The following AUTS2 variants were observed in gnomAD, a reference collection of about 807,000 sequenced individuals.
AUTS2 encodes autism susceptibility gene 2 protein.
Under a neutral mutation model 112.4 loss-of-function variants are expected in AUTS2, and 17 were observed. The ratio of observed to expected loss-of-function variants is 0.15; its 90% CI spans 0.10 to 0.23. AUTS2 has a LOEUF of 0.23. Among genes scored for constraint, AUTS2 ranks in the 10% least tolerant of loss-of-function variants. The pLI is 1.00. For synonymous variants in AUTS2, 751 were observed against 702.7 expected, an observed-to-expected ratio of 1.07 and a Z score of -1.09; for missense variants, 1,510 against 1,701.6, an observed-to-expected ratio of 0.89 and a Z score of 1.98.
intron 6 of AUTS2, among the ~76,000 whole-genome samples, chr7:70,703,490 C>CCA (rs1809570730): frequency 1.0e-5 from 1 of 98,640 alleles, no homozygotes. Context: ...GACACCATTT[C>CCA]AAAAAAAAAA....
intron 4 of AUTS2, chr7:70,316,925 C>T (rs1278694936): frequency 6.6e-6 from 1 of 152,194 alleles, no homozygotes; most frequent in South Asian, 2.1e-4. Context: ...CACATCCTCT[C>T]CTGCAACCCC....
At chr7:70,128,044 G>A (rs1168856794) in intron 3 of AUTS2, among the ~76,000 whole-genome samples, 1 of 150,904 alleles carries the variant, frequency 6.6e-6, no homozygotes, top group Non-Finnish European at 1.5e-5. Context: ...TACCATGAAT[G>A]AGCTTCCCAC....
chr7:70,684,570 G>A (rs887818202), intron 5 of AUTS2, among the ~76,000 whole-genome samples: 8 of 151,228 alleles, frequency 5.3e-5, no homozygotes, highest in African/African-American at 1.5e-4. Context: ...GTGTTGTGGC[G>A]TGGTATGGTG....
At chr7:70,561,493 G>T (rs1166291999) in intron 5 of AUTS2, among the ~76,000 whole-genome samples, 2 of 152,110 alleles carry the variant, frequency 1.3e-5, no homozygotes, top group Non-Finnish European at 2.9e-5. Flanking sequence ...TGGCATAGTG[G>T]CACGCACCTG....
chr7:70,414,966 A>G (rs1794930405), intron 4 of AUTS2, among the ~76,000 whole-genome samples: 1 of 152,174 alleles, frequency 6.6e-6, no homozygotes, highest in Admixed American at 6.5e-5. Flanking sequence ...TTGGGAGCAA[A>G]GAGCTCACTG....
At chr7:70,609,959 T>G (rs38296) in intron 5 of AUTS2, among the ~76,000 whole-genome samples, 15,964 of 122,818 alleles carry the variant, frequency 0.13, 892 homozygotes, top group East Asian at 0.19. Context: ...AGTTCTGTTT[T>G]TTGTTGTTGT....
At chr7:69,905,109 C>A (rs1401202849) in intron 2 of AUTS2, among the ~76,000 whole-genome samples, 1 of 152,056 alleles carries the variant, frequency 6.6e-6, no homozygotes, top group Non-Finnish European at 1.5e-5. Context: ...TCGTGTTTTT[C>A]ATTTTGTGTC....
intron 1 of AUTS2, among the ~76,000 whole-genome samples, chr7:69,861,453 T>G (rs188946534): frequency 2.0e-5 from 3 of 152,162 alleles, no homozygotes; most frequent in Non-Finnish European, 2.9e-5. Flanking sequence ...CTCACAGTTA[T>G]AAAGGTTAAG....
At chr7:70,072,336 A>G (rs1017539634) in intron 2 of AUTS2, among the ~76,000 whole-genome samples, 12 of 152,216 alleles carry the variant, frequency 7.9e-5, no homozygotes, top group South Asian at 4.2e-4. Context: ...GCCTGACCAC[A>G]TTGTTTGGAA....
chr7:69,758,163 T>C (rs1470605245), intron 1 of AUTS2, among the ~76,000 whole-genome samples: 1 of 152,234 alleles, frequency 6.6e-6, no homozygotes, highest in Non-Finnish European at 1.5e-5. Context: ...TGGCTTCCAC[T>C]GCAGTACTGG....
At chr7:69,782,197 T>C (rs1325509753) in intron 1 of AUTS2, among the ~76,000 whole-genome samples, 1 of 151,882 alleles carries the variant, frequency 6.6e-6, no homozygotes, top group Admixed American at 6.6e-5. Context: ...AGACCTTGTC[T>C]CTACTAAAAA....
At chr7:69,907,999 A>G (rs574517566) in intron 2 of AUTS2, among the ~76,000 whole-genome samples, 1 of 152,340 alleles carries the variant, frequency 6.6e-6, no homozygotes, top group Admixed American at 6.5e-5. Context: ...AGCTTTGCAC[A>G]GAAATCTTGT....
At chr7:70,383,390 T>G (rs914993651) in intron 4 of AUTS2, among the ~76,000 whole-genome samples, 2 of 152,124 alleles carry the variant, frequency 1.3e-5, no homozygotes, top group African/African-American at 4.8e-5. Flanking sequence ...ATAGTAAAAT[T>G]TTAGCCTTTA....
At chr7:70,311,352 A>G (rs1789741664) in intron 4 of AUTS2, among the ~76,000 whole-genome samples, 1 of 152,202 alleles carries the variant, frequency 6.6e-6, no homozygotes, top group Non-Finnish European at 1.5e-5. Context: ...ACCCAATAAT[A>G]ATGTCGTGTC....
chr7:69,953,047 C>T (rs1438135762), intron 2 of AUTS2, among the ~76,000 whole-genome samples: 2 of 152,144 alleles, frequency 1.3e-5, no homozygotes, highest in Non-Finnish European at 2.9e-5. Context: ...TTTCCCTCCT[C>T]CCTCCCCTAA....
chr7:69,712,416 G>A (rs1312109797), intron 1 of AUTS2, among the ~76,000 whole-genome samples: 1 of 114,988 alleles, frequency 8.7e-6, no homozygotes, highest in African/African-American at 3.0e-5. Flanking sequence ...CATTGACCTG[G>A]TTTCTATCAT....
At position 70,631,834 on chromosome 7, in the gene AUTS2, GC is replaced by G. The variant is rs1419329318; in HGVS notation, c.691-66734del. ...CCCGTGTGTGCTAACTTGCTAGGGG[GC>G]AGGGCGCACTCTGCCGCTTTGGCTT... On this transcript the variant is annotated intron_variant, in intron 5 of 18. Transcript: ENST00000342771. The surrounding 1 kb of genome is among the most constrained non-coding windows in gnomAD (Gnocchi z 4.5). Among the ~76,000 whole-genome samples the G allele has an allele frequency of 1.3e-5, 2 of 152,022 alleles. No homozygotes were observed. The highest frequency in any genetic ancestry group is 2.4e-5 in the African/African-American group (1 of 41,390).
intron 1 of AUTS2, among the ~76,000 whole-genome samples, chr7:69,602,698 T>C (rs1216675224): frequency 6.6e-6 from 1 of 152,210 alleles, no homozygotes; most frequent in Non-Finnish European, 1.5e-5. Flanking sequence ...TTCACTAATA[T>C]CAAATATCCT....
At chr7:70,014,695 T>C (rs1447267186) in intron 2 of AUTS2, among the ~76,000 whole-genome samples, 1 of 152,238 alleles carries the variant, frequency 6.6e-6, no homozygotes, top group African/African-American at 2.4e-5. Context: ...CACGTAGACA[T>C]GCACACCTCT....
Sources: gnomAD v4.1 joint callset for allele counts (sites outside exome capture counted in the v4.1 genomes callset) on GRCh38, gnomAD v4.1.1 for gene constraint, Gnocchi (gnomAD v3.1) non-coding constraint, MANE v1.5 for transcripts, NCBI Gene and HGNC (gene_info 2026-07-23, HGNC 2026-07-21) for gene names.